Variants in TSHZ2 observed in about 807,000 individuals in gnomAD.
TSHZ2 encodes teashirt zinc finger homeobox 2.
A neutral mutation model predicts 74.4 loss-of-function variants in TSHZ2; 21 were observed. The observed-to-expected ratio is 0.28, with a 90% CI of 0.20 to 0.41. The LOEUF is 0.41. Ranked by LOEUF, TSHZ2 falls within the 10% of genes least tolerant of loss-of-function variation. TSHZ2 has a pLI of 1.00. For synonymous variants in TSHZ2, 540 were observed against 515.3 expected (o/e 1.05, Z -0.65); for missense variants, 1,244 against 1,293.5 (o/e 0.96, Z 0.59).
intron 1 of TSHZ2, among the ~76,000 whole-genome samples, chr20:53,237,730 ATGC>A (rs747028744): frequency 7.9e-5 from 12 of 152,174 alleles, no homozygotes; most frequent in Non-Finnish European, 1.5e-4. Flanking sequence ...CATTTTGAAA[ATGC>A]TGCTATTTAC....
chr20:53,242,446 T>G (rs1008260998), intron 1 of TSHZ2, among the ~76,000 whole-genome samples: 3 of 152,122 alleles, frequency 2.0e-5, no homozygotes, highest in African/African-American at 7.2e-5. Context: ...AAAGGTGAGA[T>G]AAGAGATTAG....
rs146605003 is a variant in TSHZ2 at position 53,256,328 on chromosome 20, C to T, written c.2870C>T (p.Thr957Ile). ...CTGGGTTTCCAAATGAAGGACATGA[C>T]CCGCTTGTCAGTGGACCAGCAAAGC... Reference protein sequence around the residue: ...SHLGFQMKDMTRLSVDQQSKV... With the variant: ...SHLGFQMKDMIRLSVDQQSKV... Residue 957 changes from threonine (T) to isoleucine (I), a missense_variant, in exon 2 of 3, where the codon ACC becomes ATC. By Grantham distance (89) the Thr-to-Ile change is moderately conservative. Coordinates refer to ENST00000371497, the MANE Select transcript of TSHZ2 (RefSeq NM_173485.6). This position sits in a 1 kb window ranked among gnomAD's most constrained non-coding sequence, Gnocchi z 4.3. 18 of 1,613,792 alleles carry T rather than the reference C, an allele frequency of 1.1e-5. No homozygotes were observed. The highest frequency in any genetic ancestry group is 6.7e-5 in the African/African-American group (5 of 74,918).
At chr20:53,350,087 T>G (rs1980592538) in intron 2 of TSHZ2, among the ~76,000 whole-genome samples, 3 of 152,260 alleles carry the variant, frequency 2.0e-5, no homozygotes, top group African/African-American at 7.2e-5. Flanking sequence ...CCCCTGTGAT[T>G]ACATTGGGTC....
At chr20:53,054,321 A>G (rs1425620879) in intron 1 of TSHZ2, among the ~76,000 whole-genome samples, 2 of 152,216 alleles carry the variant, frequency 1.3e-5, no homozygotes, top group Non-Finnish European at 2.9e-5. Flanking sequence ...TTCAGTTTTC[A>G]ATTGATGCTT....
chr20:53,224,181 C>G (rs933036092), intron 1 of TSHZ2, among the ~76,000 whole-genome samples: 1 of 152,060 alleles, frequency 6.6e-6, no homozygotes, highest in Non-Finnish European at 1.5e-5. Context: ...AGTATAATGT[C>G]TAGGACAAAG....
At chr20:53,434,766 G>A (rs970777135) in intron 2 of TSHZ2, among the ~76,000 whole-genome samples, 2 of 152,228 alleles carry the variant, frequency 1.3e-5, no homozygotes, top group African/African-American at 2.4e-5. Flanking sequence ...AGGTCTCTCA[G>A]GGTCTGCTGA....
At chr20:53,079,739 A>G (rs992517318) in intron 1 of TSHZ2, among the ~76,000 whole-genome samples, 1 of 152,058 alleles carries the variant, frequency 6.6e-6, no homozygotes, top group South Asian at 2.1e-4. Context: ...CACACTAGCC[A>G]CTCTATACCC....
intron 2 of TSHZ2, among the ~76,000 whole-genome samples, chr20:53,367,623 T>A (rs1359728451): frequency 6.6e-6 from 1 of 151,782 alleles, no homozygotes; most frequent in African/African-American, 2.4e-5. Flanking sequence ...CAGGCTGGAG[T>A]GCAGTGGCGC....
intron 1 of TSHZ2, among the ~76,000 whole-genome samples, chr20:53,113,295 T>C (rs1195962312): frequency 2.0e-5 from 3 of 152,240 alleles, no homozygotes; most frequent in Admixed American, 1.3e-4. Flanking sequence ...AATTTTCTCC[T>C]TTTTTCTTCT....
intron 2 of TSHZ2, among the ~76,000 whole-genome samples, chr20:53,258,377 G>C (rs754556954): frequency 6.6e-6 from 1 of 151,838 alleles, no homozygotes; most frequent in African/African-American, 2.4e-5. Flanking sequence ...AAAGAGGGGG[G>C]GCATACAGAG....
chr20:53,206,590 A>C (rs1198642806), intron 1 of TSHZ2: 1 of 152,236 alleles, frequency 6.6e-6, no homozygotes, highest in Non-Finnish European at 1.5e-5. Context: ...GCTTTTTTGA[A>C]CACTGTATAC....
chr20:53,001,205 C>CGCGT (rs1294899767), intron 1 of TSHZ2, among the ~76,000 whole-genome samples: 39 of 94,266 alleles, frequency 4.1e-4, no homozygotes, highest in African/African-American at 1.3e-3. Context: ...CGTTCATGTG[C>CGCGT]GTGTGTGTGT....
intron 2 of TSHZ2, among the ~76,000 whole-genome samples, chr20:53,478,668 A>AAAAAAT (rs141461349): frequency 0.2 from 29,968 of 150,678 alleles, 3,157 homozygotes; most frequent in East Asian, 0.29. Context: ...AAAAATAAAT[A>AAAAAAT]AAAAATAAAA....
At chr20:52,978,834 G>A (rs1208280805) in intron 1 of TSHZ2, among the ~76,000 whole-genome samples, 1 of 152,110 alleles carries the variant, frequency 6.6e-6, no homozygotes, top group Non-Finnish European at 1.5e-5. Context: ...GATAAATACA[G>A]ACTATCTTTT....
intron 1 of TSHZ2, among the ~76,000 whole-genome samples, chr20:53,130,625 C>CA (rs1216624147): frequency 1.3e-5 from 2 of 151,940 alleles, no homozygotes; most frequent in Non-Finnish European, 2.9e-5. Context: ...GACTCTATCT[C>CA]AAAAAATATA....
At chr20:53,162,182 T>C (rs573566735) in intron 1 of TSHZ2, among the ~76,000 whole-genome samples, 14 of 152,248 alleles carry the variant, frequency 9.2e-5, no homozygotes, top group African/African-American at 2.9e-4. Flanking sequence ...CTCAATTTTA[T>C]AAATAAAAGA....
At chr20:53,060,773 A>C (rs528791908) in intron 1 of TSHZ2, among the ~76,000 whole-genome samples, 1 of 152,346 alleles carries the variant, frequency 6.6e-6, no homozygotes, top group East Asian at 1.9e-4. Flanking sequence ...CCTTCTACAC[A>C]ACAGTATCCT....
chr20:53,375,113 G>T (rs977180666), intron 2 of TSHZ2, among the ~76,000 whole-genome samples: 3 of 152,064 alleles, frequency 2.0e-5, no homozygotes, highest in African/African-American at 7.2e-5. Context: ...ACCCAGGAGT[G>T]CATGGATTAT....
intron 1 of TSHZ2, among the ~76,000 whole-genome samples, chr20:53,032,129 C>T (rs978968137): frequency 5.3e-5 from 8 of 152,220 alleles, no homozygotes; most frequent in African/African-American, 1.9e-4. Context: ...GTGCATCTTA[C>T]CACAAATTGC....
Sources: gnomAD v4.1 joint callset for allele counts (sites outside exome capture counted in the v4.1 genomes callset) on GRCh38, gnomAD v4.1.1 for gene constraint, Gnocchi (gnomAD v3.1) non-coding constraint, MANE v1.5 for transcripts, NCBI Gene and HGNC (gene_info 2026-07-23, HGNC 2026-07-21) for gene names.